PITPNM2: variants seen among roughly 807,000 people sequenced by gnomAD.
The protein encoded by PITPNM2 is membrane-associated phosphatidylinositol transfer protein 2.
PITPNM2 carries 35 observed loss-of-function variants against 132.2 expected under a neutral mutation model. That is an observed-to-expected ratio of 0.26 (90% CI 0.20 to 0.35). The LOEUF is 0.35. Among genes scored for constraint, PITPNM2 ranks in the 10% least tolerant of loss-of-function variants. PITPNM2 has a pLI of 1.00. For missense variants in PITPNM2, 1,332 were observed against 1,912.0 expected (o/e 0.70, Z 5.66); for synonymous variants, 738 against 799.2 (o/e 0.92, Z 1.29).
chr12:123,080,897 C>A (rs2041942049), intron 2 of PITPNM2, among the ~76,000 whole-genome samples: 1 of 152,260 alleles, frequency 6.6e-6, no homozygotes, highest in South Asian at 2.1e-4. Context: ...TACACACCTG[C>A]ACTATCCAGT....
Position 122,987,647 on chromosome 12 carries a change from T to C in PITPNM2, c.3127A>G (p.Ile1043Val), listed in dbSNP as rs1442915120. ...TLTGEKVDVH[I>V]MTQPPSGEWL... ...TCGCCTGAGGGCGGCTGGGTCATGA[T>C]GTGCACATCCACCTGGGCCCAGCAG... is the stretch of plus-strand genomic sequence containing the variant. Residue 1043 changes from isoleucine (I) to valine (V), a missense_variant, in exon 22 of 26, where the codon ATC becomes GTC. Transcript: ENST00000320201. The C allele has an allele frequency of 6.2e-7, 1 of 1,613,118 alleles. No homozygotes were observed. Among genetic ancestry groups the C allele is most frequent in the African/African-American group, 1.3e-5 (1 of 74,926 alleles).
In PITPNM2 at chr12:122,988,336, G is replaced by A. The variant is rs139418911; in HGVS notation, c.2895C>T (p.Asp965=). The A allele has an allele frequency of 2.8e-4, 456 of 1,613,364 alleles. 1 individual carries two copies. In the African/African-American group the frequency reaches 5.0e-3, roughly 18 times the overall value. ...SFLLRQVMRH[D]NSSILELDGK... ...CATCCAGCTCCAAGATGCTGGAGTTGTCATGCCTCATGACCTGGGAAGAGG... is the reference window on the plus strand; with the variant it reads ...CATCCAGCTCCAAGATGCTGGAGTTATCATGCCTCATGACCTGGGAAGAGG... Residue 965 remains aspartate (D), a synonymous_variant, in exon 20 of 26, where the codon GAC becomes GAT. Coordinates refer to ENST00000320201, the MANE Select transcript of PITPNM2 (RefSeq NM_020845.3).
At chr12:123,119,040 A>G (rs990821807) in intron 1 of PITPNM2, among the ~76,000 whole-genome samples, 1 of 152,096 alleles carries the variant, frequency 6.6e-6, no homozygotes, top group Non-Finnish European at 1.5e-5. Flanking sequence ...AGAGATCTCC[A>G]GCTCCCACTC....
chr12:123,124,516 T>C (rs749442985), intron 1 of PITPNM2, among the ~76,000 whole-genome samples: 7 of 152,152 alleles, frequency 4.6e-5, no homozygotes, highest in Non-Finnish European at 8.8e-5. Context: ...CTAGCAACCA[T>C]CACTGTCTCT....
At chr12:123,136,397 C>T (rs992783254) in intron 1 of PITPNM2, among the ~76,000 whole-genome samples, 1 of 152,104 alleles carries the variant, frequency 6.6e-6, no homozygotes, top group Non-Finnish European at 1.5e-5. Context: ...CCTTCTTGTT[C>T]TTTCTGACTC....
At chr12:122,996,347 T>C in intron 13 of PITPNM2, 111 bp downstream of exon 13, 1 of 1,433,694 alleles carries the variant, frequency 7.0e-7, no homozygotes, top group Non-Finnish European at 9.4e-7. Context: ...GCCAGCATTC[T>C]GCTTGGTGGA....
At chr12:123,018,164 G>C (rs972881030) in intron 3 of PITPNM2, among the ~76,000 whole-genome samples, 1 of 151,390 alleles carries the variant, frequency 6.6e-6, no homozygotes, top group Non-Finnish European at 1.5e-5. Context: ...CTAACTCTTG[G>C]GCTCTAGTGA....
At chr12:123,026,532 T>C (rs1213388734) in intron 3 of PITPNM2, among the ~76,000 whole-genome samples, 1 of 152,166 alleles carries the variant, frequency 6.6e-6, no homozygotes. Context: ...GCAGGCTCAG[T>C]GAGAAGGTGT....
In PITPNM2 at chr12:123,000,252, G is replaced by A. The variant is rs188064893; in HGVS notation, c.1224+526C>T. The A allele has an allele frequency of 5.4e-4, 325 of 607,004 alleles. No individual in the cohort carries two copies. The highest frequency in any genetic ancestry group is 5.3e-3 in the African/African-American group (284 of 54,066). The allele number at this position is 607,004 out of a possible 1,614,324, so 37.6% of individuals were successfully genotyped here. On this transcript the variant is annotated intron_variant, in intron 10 of 25. Coordinates refer to ENST00000320201, the MANE Select transcript of PITPNM2 (RefSeq NM_020845.3). This position sits in a 1 kb window ranked among gnomAD's most constrained non-coding sequence, Gnocchi z 5.4. Reference sequence around the variant, plus strand: ...ACAGCTCTGACGGCCCGCAGGTGGAGGAGGATGGGGCATGAACTCCCACAG... The same window carrying A: ...ACAGCTCTGACGGCCCGCAGGTGGAAGAGGATGGGGCATGAACTCCCACAG...
chr12:123,111,726 T>C lies in PITPNM2; in HGVS notation c.-199-1238A>G, dbSNP rs2042838268. On this transcript the variant is annotated intron_variant, in intron 1 of 25. Coordinates refer to ENST00000320201, the MANE Select transcript of PITPNM2 (RefSeq NM_020845.3). This position sits in a 1 kb window ranked among gnomAD's most constrained non-coding sequence, Gnocchi z 4.1. ...TGCCCCAGCCCCTTGTCTCCACGGC[T>C]GCATGTACACACCCACATACACACT... Among the ~76,000 whole-genome samples the C allele has an allele frequency of 6.6e-6, 1 of 152,160 alleles. No homozygotes were observed.
intron 2 of PITPNM2, among the ~76,000 whole-genome samples, chr12:123,086,131 C>T (rs1181164283): frequency 6.6e-6 from 1 of 152,168 alleles, no homozygotes. Context: ...AGAAAAATAC[C>T]GGGAAGGTTG....
Position 122,987,981 on chromosome 12 carries a change from C to T in PITPNM2, c.2998-80G>A, listed in dbSNP as rs2038010999. The T allele has an allele frequency of 5.4e-6, 7 of 1,292,830 alleles. No individual in the cohort carries two copies. In the South Asian group the frequency reaches 9.4e-5, roughly 17 times the overall value. The allele number at this position is 1,292,830 out of a possible 1,614,324, so 80.1% of individuals were successfully genotyped here. A position where few individuals can be genotyped will look rare whatever the true frequency, so the allele number is the denominator to read the frequency against. The stretch of plus-strand genomic sequence containing the variant: ...TGTGTTCTGCTCAAGCTCTGTGGGC[C>T]TGAGGGGCAGGCTTGAGCTGTGAGC... On this transcript the variant is annotated intron_variant, in intron 20 of 25. Coordinates refer to ENST00000320201, the MANE Select transcript of PITPNM2 (RefSeq NM_020845.3).
At chr12:123,054,763 G>A (rs1034420167) in intron 2 of PITPNM2, among the ~76,000 whole-genome samples, 3 of 152,130 alleles carry the variant, frequency 2.0e-5, no homozygotes, top group African/African-American at 7.2e-5. Context: ...CCTCCTGAAG[G>A]GCAGAAAGAT....
At position 123,000,491 on chromosome 12, in the gene PITPNM2, A is replaced by G; in HGVS notation, c.1224+287T>C. ...TCTTATTTTTGATCTGGAATTTACA[A>G]GTTTCTCATTTTACTTTCCCATGGG... On this transcript the variant is annotated intron_variant, in intron 10 of 25. Transcript: ENST00000320201. This position sits in a 1 kb window ranked among gnomAD's most constrained non-coding sequence, Gnocchi z 5.4. 1.4e-6 allele frequency: 1 copy of G among 702,218 alleles called. No individual in the cohort carries two copies. Among genetic ancestry groups the G allele is most frequent in the Non-Finnish European group, 2.6e-6 (1 of 384,666 alleles). 43.5% of individuals were successfully genotyped at this position (702,218 alleles called of 1,614,324 possible). A position where few individuals can be genotyped will look rare whatever the true frequency, so the allele number is the denominator to read the frequency against.
chr12:123,100,095 G>T (rs563797356), intron 2 of PITPNM2, among the ~76,000 whole-genome samples: 1 of 152,216 alleles, frequency 6.6e-6, no homozygotes, highest in Non-Finnish European at 1.5e-5. Context: ...AGAAACTGAG[G>T]TGCAGTGAGT....
At chr12:123,116,647 CAAAA>C (rs5801499) in intron 1 of PITPNM2, among the ~76,000 whole-genome samples, 10 of 107,868 alleles carry the variant, frequency 9.3e-5, no homozygotes, top group African/African-American at 1.0e-4. Flanking sequence ...GACCTTGTTT[CAAAA>C]AAAAAAAAAA....
intron 21 of PITPNM2, 38 bp downstream of exon 21, chr12:122,987,747 A>G (rs954949559): frequency 3.7e-6 from 6 of 1,612,952 alleles, no homozygotes; most frequent in Non-Finnish European, 5.1e-6. Context: ...GAGCTCCCCA[A>G]AGTCCCTCCA....
intron 3 of PITPNM2, among the ~76,000 whole-genome samples, chr12:123,027,231 C>T (rs1566255231): frequency 6.6e-6 from 1 of 152,190 alleles, no homozygotes; most frequent in Non-Finnish European, 1.5e-5. Flanking sequence ...TATGGTGACT[C>T]TTCATGCTGA....
chr12:123,070,709 C>G (rs1488927321), intron 2 of PITPNM2, among the ~76,000 whole-genome samples: 1 of 152,220 alleles, frequency 6.6e-6, no homozygotes, highest in African/African-American at 2.4e-5. Flanking sequence ...CAGGCCTCTT[C>G]CAAGGAGGAG....
Sources: allele counts gnomAD v4.1 joint callset (sites outside exome capture counted in the v4.1 genomes callset), GRCh38; gene constraint gnomAD v4.1.1; non-coding constraint Gnocchi (gnomAD v3.1); transcripts MANE v1.5; gene names NCBI Gene and HGNC (gene_info 2026-07-23, HGNC 2026-07-21).